Variants in MMP11 observed in about 807,000 individuals in gnomAD.
MMP11 encodes matrix metallopeptidase 11.
A neutral mutation model predicts 49.5 loss-of-function variants in MMP11; 26 were observed. That is an observed-to-expected ratio of 0.52 (90% CI 0.38 to 0.73). The LOEUF is 0.73. MMP11 is among the 30% of genes least tolerant of loss of function. The pLI, the probability that MMP11 is intolerant of heterozygous loss-of-function variation, is 0.00. For synonymous variants in MMP11, 265 were observed against 282.3 expected, an observed-to-expected ratio of 0.94 and a Z score of 0.62; for missense variants, 624 against 671.2, an observed-to-expected ratio of 0.93 and a Z score of 0.78.
intron 1 of MMP11, among the ~76,000 whole-genome samples, chr22:23,775,996 T>C (rs1927398371): frequency 6.6e-6 from 1 of 152,198 alleles, no homozygotes; most frequent in African/African-American, 2.4e-5. Flanking sequence ...GAAGGTGACT[T>C]GTCTAGAGTC....
rs570182418 is a variant in MMP11 at position 23,780,061 on chromosome 22, A to T, written c.339-298A>T. Reference sequence around the variant, plus strand: ...CTGGGAACCAACAGGGGCTCAAGGAACCAAGGTGTCCCCACAGTAAGTGGC... The same window carrying T: ...CTGGGAACCAACAGGGGCTCAAGGATCCAAGGTGTCCCCACAGTAAGTGGC... On this transcript the variant is annotated intron_variant, in intron 2 of 7. Coordinates refer to ENST00000215743, the MANE Select transcript of MMP11 (RefSeq NM_005940.5). The surrounding 1 kb of genome is among the most constrained non-coding windows in gnomAD (Gnocchi z 4.6). 1 of 442,894 alleles carries T rather than the reference A, an allele frequency of 2.3e-6. No individual in the cohort carries two copies. The highest frequency in any genetic ancestry group is 3.1e-5 in the South Asian group (1 of 31,844). The allele number at this position is 442,894 out of a possible 1,614,324, so 27.4% of individuals were successfully genotyped here.
Position 23,780,211 on chromosome 22 carries a change from C to G in MMP11, c.339-148C>G, listed in dbSNP as rs1927565114. The G allele has an allele frequency of 3.3e-6, 3 of 901,990 alleles. No homozygotes were observed. Among genetic ancestry groups the G allele is most frequent in the African/African-American group, 1.7e-5 (1 of 59,998 alleles). The allele number at this position is 901,990 out of a possible 1,614,324, so 55.9% of individuals were successfully genotyped here. ...ACATGTGCCCATGTGGCCAGGGAGA[C>G]CAGTGCGCTGAAGCTGAGGCCCAGA... On this transcript the variant is annotated intron_variant, in intron 2 of 7. Coordinates refer to ENST00000215743, the MANE Select transcript of MMP11 (RefSeq NM_005940.5). This position sits in a 1 kb window ranked among gnomAD's most constrained non-coding sequence, Gnocchi z 4.6.
At chr22:23,782,550 C>T in intron 7 of MMP11, 67 bp downstream of exon 7, 1 of 1,515,130 alleles carries the variant, frequency 6.6e-7, no homozygotes, top group Non-Finnish European at 8.8e-7. Context: ...CTGGTGGTGG[C>T]TGGGCTCCCA....
rs576561996 is a variant in MMP11, at chr22:23,779,520, G to A, written c.338+104G>A. ...GAGACACAGGCCAGGGTAGATCTTC[G>A]TGTCTAACAGACCTGTGTGTCCACT... On this transcript the variant is annotated intron_variant, in intron 2 of 7. Transcript: ENST00000215743. 9.0e-5 allele frequency: 91 copies of A among 1,015,796 alleles called. 1 individual carries two copies. The highest frequency in any genetic ancestry group is 2.9e-4 in the East Asian group (11 of 38,020). 62.9% of individuals were successfully genotyped at this position (1,015,796 alleles called of 1,614,324 possible).
chr22:23,779,353 G>T lies in MMP11; in HGVS notation c.275G>T (p.Arg92Leu), dbSNP rs139978312. ...GACCCATCTGATGGGCTGAGTGCCC[G>T]CAACCGACAGAAGAGGTTCGTGCTT... ...VPDPSDGLSA[R>L]NRQKRFVLSG... The change falls in exon 2 of 8, where the codon CGC (arginine) becomes CTC (leucine). Residue 92 changes from arginine (R) to leucine (L), a missense_variant. By Grantham distance (102) the Arg-to-Leu change is moderately radical. Coordinates refer to ENST00000215743, the MANE Select transcript of MMP11 (RefSeq NM_005940.5). 2.5e-6 allele frequency: 4 copies of T among 1,612,892 alleles called. No homozygotes were observed. Among genetic ancestry groups the T allele is most frequent in the South Asian group, 1.1e-5 (1 of 90,962 alleles).
At chr22:23,773,829 A>G (rs1927319807) in intron 1 of MMP11, among the ~76,000 whole-genome samples, 1 of 152,214 alleles carries the variant, frequency 6.6e-6, no homozygotes, top group Admixed American at 6.5e-5. Flanking sequence ...CAGCTCGGGC[A>G]GGGAAGGGAG....
intron 7 of MMP11, among the ~76,000 whole-genome samples, chr22:23,782,935 CAG>C (rs1197913442): frequency 6.6e-6 from 1 of 152,170 alleles, no homozygotes; most frequent in Admixed American, 6.5e-5. Context: ...CCCACAACCA[CAG>C]GGGGCTAGAG....
At chr22:23,782,566 C>A in intron 7 of MMP11, 83 bp downstream of exon 7, 1 of 1,470,904 alleles carries the variant, frequency 6.8e-7, no homozygotes, top group Non-Finnish European at 9.1e-7. Context: ...TCCCACATGC[C>A]TGCCACAGGA....
intron 1 of MMP11, 30 bp downstream of exon 1, chr22:23,773,008 T>C: frequency 8.6e-7 from 1 of 1,166,592 alleles, no homozygotes; most frequent in Non-Finnish European, 1.1e-6. Flanking sequence ...CGGCCGCTCC[T>C]CGCTGAGGGG....
intron 1 of MMP11, among the ~76,000 whole-genome samples, chr22:23,775,571 C>T (rs542543002): frequency 2.2e-4 from 34 of 152,320 alleles, no homozygotes; most frequent in African/African-American, 7.7e-4. Context: ...CTAAAAACAA[C>T]CTCACTAGCT....
intron 1 of MMP11, among the ~76,000 whole-genome samples, chr22:23,774,429 G>A (rs28363620): frequency 0.011 from 1,670 of 152,222 alleles, 34 homozygotes; most frequent in South Asian, 0.11. Context: ...TTTATCCCCC[G>A]GCTGCCTTCA....
At chr22:23,781,827 T>C (rs1216161253) in intron 6 of MMP11, 2 of 586,894 alleles carry the variant, frequency 3.4e-6, no homozygotes, top group Non-Finnish European at 6.6e-6. Flanking sequence ...GATGAGAGCC[T>C]GGAGCATTGC....
chr22:23,780,003 G>C lies in MMP11; in HGVS notation c.339-356G>C. 1 of 343,332 alleles carries C rather than the reference G, an allele frequency of 2.9e-6. No homozygotes were observed. Among genetic ancestry groups the C allele is most frequent in the Non-Finnish European group, 5.5e-6 (1 of 181,510 alleles). The allele number at this position is 343,332 out of a possible 1,614,324, so 21.3% of individuals were successfully genotyped here. ...TGGTGTCACACAGCATTGGAGCTGA[G>C]ACTGGGGTCTTTAGAATTTCCTAGG... On this transcript the variant is annotated intron_variant, in intron 2 of 7. Transcript: ENST00000215743. The surrounding 1 kb of genome is among the most constrained non-coding windows in gnomAD (Gnocchi z 4.6).
rs1388229299 is a variant in MMP11 at position 23,783,966 on chromosome 22, A to T, written c.*422A>T. 1 of 188,158 alleles carries T rather than the reference A, an allele frequency of 5.3e-6. No homozygotes were observed. The highest frequency in any genetic ancestry group is 2.3e-5 in the African/African-American group (1 of 43,808). 11.7% of individuals were successfully genotyped at this position (188,158 alleles called of 1,614,324 possible). A position where few individuals can be genotyped will look rare whatever the true frequency, so the allele number is the denominator to read the frequency against. Reference sequence around the variant, plus strand: ...AGGGTGCTGGGGCCCCATGGCCTTCAGCCCTGGCTGAGCAACTGGGCTGTA... The same window carrying T: ...AGGGTGCTGGGGCCCCATGGCCTTCTGCCCTGGCTGAGCAACTGGGCTGTA... On this transcript the variant is annotated 3_prime_UTR_variant, in exon 8 of 8. Coordinates refer to ENST00000215743, the MANE Select transcript of MMP11 (RefSeq NM_005940.5).
In MMP11 at chr22:23,780,604, C is replaced by A. The variant is rs1927583113; in HGVS notation, c.505C>A (p.Pro169Thr). ...TAGGTACTGGCATGGGGACGACCTG[C>A]CGTTTGATGGGCCTGGGGGCATCCT... is the stretch of plus-strand genomic sequence containing the variant. Reference protein sequence around the residue: ...FARYWHGDDLPFDGPGGILAH... With the variant: ...FARYWHGDDLTFDGPGGILAH... Residue 169 changes from proline to threonine, a missense_variant, in exon 4 of 8, where the codon CCG becomes ACG. Coordinates refer to ENST00000215743, the MANE Select transcript of MMP11 (RefSeq NM_005940.5). This position sits in a 1 kb window ranked among gnomAD's most constrained non-coding sequence, Gnocchi z 4.6. 6.3e-7 allele frequency: 1 copy of A among 1,597,202 alleles called. No homozygotes were observed. Among genetic ancestry groups the A allele is most frequent in the Non-Finnish European group, 8.5e-7 (1 of 1,170,970 alleles).
At chr22:23,778,194 C>T (rs1385600285) in intron 1 of MMP11, among the ~76,000 whole-genome samples, 2 of 152,266 alleles carry the variant, frequency 1.3e-5, no homozygotes, top group Non-Finnish European at 2.9e-5. Context: ...AGGCCTTAGC[C>T]TTAGGCCTGA....
chr22:23,778,282 G>A (rs1365834064), intron 1 of MMP11, among the ~76,000 whole-genome samples: 1 of 152,218 alleles, frequency 6.6e-6, no homozygotes, highest in Non-Finnish European at 1.5e-5. Flanking sequence ...CTGAGCTTCT[G>A]CTTTTCTCAT....
chr22:23,781,231 C>T lies in MMP11; in HGVS notation c.897C>T (p.Asp299=), dbSNP rs768774111. The change falls in exon 6 of 8, where the codon GAC becomes GAT. Residue 299 remains aspartate, a synonymous_variant. Transcript: ENST00000215743. ...APPDACEASF[D]AVSTIRGELF... is the part of the protein sequence containing the mutation. The stretch of plus-strand genomic sequence containing the variant: ...CAGATGCCTGTGAGGCCTCCTTTGA[C>T]GCGGTCTCCACCATCCGAGGCGAGC... 11 of 1,611,534 alleles carry T rather than the reference C, an allele frequency of 6.8e-6. No homozygotes were observed. Among genetic ancestry groups the T allele is most frequent in the Middle Eastern group, 1.6e-4 (1 of 6,084 alleles).
rs779623747 is a variant in MMP11 at position 23,781,010 on chromosome 22, A to T, written c.768A>T (p.Leu256=). ...SPDDCRGVQH[L]YGQPWPTVTS... is the part of the protein sequence containing the mutation. ...ATGACTGCAGGGGCGTTCAACACCTATATGGCCAGCCCTGGCCCACTGTCA... is the reference window on the plus strand; with the variant it reads ...ATGACTGCAGGGGCGTTCAACACCTTTATGGCCAGCCCTGGCCCACTGTCA... Residue 256 remains leucine, a synonymous_variant, in exon 5 of 8, where the codon CTA becomes CTT. Coordinates refer to ENST00000215743, the MANE Select transcript of MMP11 (RefSeq NM_005940.5). 1 of 1,612,996 alleles carries T rather than the reference A, an allele frequency of 6.2e-7. No homozygotes were observed. Among genetic ancestry groups the T allele is most frequent in the South Asian group, 1.1e-5 (1 of 91,082 alleles).
Sources: gnomAD v4.1 joint callset for allele counts (sites outside exome capture counted in the v4.1 genomes callset) on GRCh38, gnomAD v4.1.1 for gene constraint, Gnocchi (gnomAD v3.1) non-coding constraint, MANE v1.5 for transcripts, NCBI Gene and HGNC (gene_info 2026-07-23, HGNC 2026-07-21) for gene names.